TNIP3: variants seen among roughly 807,000 people sequenced by gnomAD.
The protein encoded by TNIP3 is TNFAIP3 interacting protein 3.
In TNIP3, 34 loss-of-function variants were observed where a neutral mutation model predicts 54.1. That is an observed-to-expected ratio of 0.63 (90% CI 0.48 to 0.84). TNIP3 has a LOEUF of 0.84. TNIP3 is among the 40% of genes least tolerant of loss of function. The pLI, the probability that TNIP3 is intolerant of heterozygous loss-of-function variation, is 0.00. For missense variants in TNIP3, 366 were observed against 387.6 expected (o/e 0.94, Z 0.47); for synonymous variants, 134 against 136.8 (o/e 0.98, Z 0.14).
At chr4:121,210,125 T>G (rs1361508732) in intron 2 of TNIP3, among the ~76,000 whole-genome samples, 4 of 152,204 alleles carry the variant, frequency 2.6e-5, no homozygotes, top group African/African-American at 9.6e-5. Flanking sequence ...CACTTCTAAA[T>G]AAATAAGAAC....
chr4:121,137,387 T>C (rs1728850312), intron 10 of TNIP3: 2 of 152,180 alleles, frequency 1.3e-5, no homozygotes, highest in Non-Finnish European at 2.9e-5. Context: ...ACTCAAGAAC[T>C]TCATTAAAAC....
intron 6 of TNIP3, 117 bp downstream of exon 6, chr4:121,149,986 A>G (rs1729648056): frequency 1.5e-6 from 1 of 667,284 alleles, no homozygotes; most frequent in Admixed American, 2.5e-5. Flanking sequence ...TTCTACTTAA[A>G]ATAAATGCAA....
intron 3 of TNIP3, among the ~76,000 whole-genome samples, chr4:121,176,158 T>C (rs1724313594): frequency 6.6e-6 from 1 of 152,256 alleles, no homozygotes; most frequent in Non-Finnish European, 1.5e-5. Context: ...AGAATCAGAA[T>C]AGCCAAGCTT....
intron 2 of TNIP3, among the ~76,000 whole-genome samples, chr4:121,201,944 G>A (rs62321501): frequency 0.033 from 5,066 of 152,140 alleles, 91 homozygotes; most frequent in African/African-American, 0.047. Flanking sequence ...CCATGCTCGT[G>A]GATGGGTAGA....
At position 121,164,042 on chromosome 4, in the gene TNIP3, C is replaced by G; in HGVS notation, c.66+18G>C. On this transcript the variant is annotated intron_variant, in intron 1 of 10. Transcript: ENST00000057513. ...ATGCTAGATGTGATCAACTCATCTC[C>G]TAGAAATATGTTCTTACCTCTTTAT... 1 of 1,612,986 alleles carries G rather than the reference C, an allele frequency of 6.2e-7. No homozygotes were observed. The highest frequency in any genetic ancestry group is 8.5e-7 in the Non-Finnish European group (1 of 1,179,276).
At chr4:121,210,606 G>A (rs954122538) in intron 2 of TNIP3, among the ~76,000 whole-genome samples, 1 of 152,164 alleles carries the variant, frequency 6.6e-6, no homozygotes, top group Non-Finnish European at 1.5e-5. Flanking sequence ...TCTGAAGGCT[G>A]GGAAGTTTGT....
At chr4:121,198,656 C>T (rs1314522433) in intron 2 of TNIP3, among the ~76,000 whole-genome samples, 2 of 152,162 alleles carry the variant, frequency 1.3e-5, no homozygotes, top group African/African-American at 4.8e-5. Flanking sequence ...TGAATTTACC[C>T]TCAAGTTCCT....
intron 2 of TNIP3, among the ~76,000 whole-genome samples, chr4:121,199,629 A>G (rs73843518): frequency 0.012 from 1,798 of 152,288 alleles, 43 homozygotes; most frequent in African/African-American, 0.04. Context: ...CTATTCTTCA[A>G]TGGAATTAAG....
Position 121,138,692 on chromosome 4 carries a change from G to C in TNIP3, c.886-8C>G. On this transcript the variant is annotated splice_polypyrimidine_tract_variant and splice_region_variant and intron_variant, in intron 9 of 10. Coordinates refer to ENST00000057513, the MANE Select transcript of TNIP3 (RefSeq NM_024873.6). The stretch of plus-strand genomic sequence containing the variant: ...ATACCACTGATAGTCTGGCTGTGTG[G>C]AACAATACAACATTATTATAGCAAT... The C allele has an allele frequency of 6.2e-7, 1 of 1,612,708 alleles. No homozygotes were observed. The highest frequency in any genetic ancestry group is 8.5e-7 in the Non-Finnish European group (1 of 1,178,802).
chr4:121,158,970 G>A (rs530528069), intron 2 of TNIP3, among the ~76,000 whole-genome samples: 45 of 152,174 alleles, frequency 3.0e-4, no homozygotes, highest in Non-Finnish European at 5.0e-4. Flanking sequence ...GGCTGGGTCC[G>A]GTGGCTCACG....
upstream of TNIP3, among the ~76,000 whole-genome samples, chr4:121,221,564 C>T (rs2148853383): frequency 6.6e-6 from 1 of 152,284 alleles, no homozygotes; most frequent in South Asian, 2.1e-4. Context: ...TTTCCTCTAG[C>T]AAATAAGATT....
At chr4:121,225,649 G>C (rs1727225728) in intron 1 of TNIP3, among the ~76,000 whole-genome samples, 2 of 152,184 alleles carry the variant, frequency 1.3e-5, no homozygotes, top group Admixed American at 1.3e-4. Context: ...AAAGAGTAAA[G>C]TGTTAAAGAG....
intron 3 of TNIP3, among the ~76,000 whole-genome samples, chr4:121,157,824 C>G (rs1730208048): frequency 6.6e-6 from 1 of 152,152 alleles, no homozygotes; most frequent in South Asian, 2.1e-4. Flanking sequence ...TCTTCACACA[C>G]CTGCAAGCCG....
intron 5 of TNIP3, among the ~76,000 whole-genome samples, chr4:121,151,931 T>G (rs1215783242): frequency 6.6e-6 from 1 of 152,156 alleles, no homozygotes; most frequent in Non-Finnish European, 1.5e-5. Context: ...ACAAATCAAT[T>G]TTGCCCACGG....
chr4:121,143,157 T>C (rs992621626), intron 7 of TNIP3, among the ~76,000 whole-genome samples: 1 of 152,212 alleles, frequency 6.6e-6, no homozygotes, highest in Non-Finnish European at 1.5e-5. Context: ...TTATCTAAAT[T>C]TTTTACATGC....
chr4:121,151,952 C>T (rs901823443), intron 5 of TNIP3, among the ~76,000 whole-genome samples: 5 of 152,142 alleles, frequency 3.3e-5, no homozygotes, highest in African/African-American at 9.7e-5. Flanking sequence ...GTGGCACGAG[C>T]TGAGTAGCCT....
At chr4:121,172,450 C>T (rs1173514364) in intron 3 of TNIP3, among the ~76,000 whole-genome samples, 2 of 152,128 alleles carry the variant, frequency 1.3e-5, no homozygotes, top group African/African-American at 4.8e-5. Context: ...TGAAAAAACC[C>T]GTAAGAGATA....
intron 3 of TNIP3, among the ~76,000 whole-genome samples, chr4:121,175,566 A>G (rs1724265551): frequency 6.6e-6 from 1 of 152,186 alleles, no homozygotes; most frequent in Admixed American, 6.5e-5. Context: ...TACTGCTTAC[A>G]TCTTCCAAAA....
chr4:121,137,987 G>T (rs62321465), intron 10 of TNIP3: 9,839 of 455,990 alleles, frequency 0.022, 154 homozygotes, highest in Non-Finnish European at 0.032. Flanking sequence ...CAAGACCATA[G>T]AAACAAGCAG....
Sources: allele counts gnomAD v4.1 joint callset (sites outside exome capture counted in the v4.1 genomes callset), GRCh38; gene constraint gnomAD v4.1.1; transcripts MANE v1.5; gene names NCBI Gene and HGNC (gene_info 2026-07-23, HGNC 2026-07-21).